Variants in SLC44A5 observed in about 807,000 individuals in gnomAD.
The protein encoded by SLC44A5 is choline transporter-like protein 5.
In SLC44A5, 57 loss-of-function variants were observed where a neutral mutation model predicts 101.8. The ratio of observed to expected loss-of-function variants is 0.56; its 90% confidence interval spans 0.45 to 0.70. The LOEUF is 0.70. Ranked by LOEUF, SLC44A5 falls within the 30% of genes least tolerant of loss-of-function variation. The pLI, the probability that SLC44A5 is intolerant of heterozygous loss-of-function variation, is 0.00. For missense variants in SLC44A5, 737 were observed against 853.1 expected, an observed-to-expected ratio of 0.86 and a Z score of 1.70; for synonymous variants, 281 against 290.9, an observed-to-expected ratio of 0.97 and a Z score of 0.35.
At chr1:75,501,682 G>C (rs970400270) in intron 2 of SLC44A5, among the ~76,000 whole-genome samples, 1 of 151,976 alleles carries the variant, frequency 6.6e-6, no homozygotes, top group Non-Finnish European at 1.5e-5. Flanking sequence ...GTCAGTCTCC[G>C]GTAAACTGCC....
At chr1:75,581,430 T>C (rs1338564403) in intron 1 of SLC44A5, among the ~76,000 whole-genome samples, 2 of 152,138 alleles carry the variant, frequency 1.3e-5, no homozygotes, top group African/African-American at 2.4e-5. Flanking sequence ...CTAGGTAAAA[T>C]ATATAAAAAT....
intron 4 of SLC44A5, among the ~76,000 whole-genome samples, chr1:75,336,528 T>C (rs901598189): frequency 1.8e-4 from 28 of 152,194 alleles, no homozygotes; most frequent in African/African-American, 6.5e-4. Flanking sequence ...TTTTTCAGGA[T>C]AGTTTACGTA....
intron 4 of SLC44A5, 44 bp from the exon 5 acceptor site, chr1:75,300,729 T>A: frequency 9.0e-6 from 12 of 1,337,360 alleles, no homozygotes; most frequent in Non-Finnish European, 1.2e-5. Context: ...AGGTCCCAAA[T>A]GACTTCCTGT....
At chr1:75,463,186 C>T (rs552379729) in intron 2 of SLC44A5, among the ~76,000 whole-genome samples, 14 of 152,248 alleles carry the variant, frequency 9.2e-5, no homozygotes, top group African/African-American at 2.6e-4. Flanking sequence ...CTTTGGAAGG[C>T]CGAGGCAGGC....
Position 75,459,170 on chromosome 1 carries a change from G to A in SLC44A5, c.14-62549C>T, listed in dbSNP as rs149202215. Among the ~76,000 whole-genome samples, 146 of 152,258 alleles carry A rather than the reference G, an allele frequency of 9.6e-4. 1 individual carries two copies. The highest frequency in any genetic ancestry group is 8.7e-3 in the Admixed American group (133 of 15,298). ...ATGAAGATTCAAGAGTCACAAGGACGTCTGCTCTAATCCAAGCACAAGGAA... is the reference window on the plus strand; with the variant it reads ...ATGAAGATTCAAGAGTCACAAGGACATCTGCTCTAATCCAAGCACAAGGAA... On this transcript the variant is annotated intron_variant, in intron 2 of 23. Coordinates refer to ENST00000370859, the MANE Select transcript of SLC44A5 (RefSeq NM_001130058.2).
chr1:75,620,469 A>G, the SLC44A5 span, among the ~76,000 whole-genome samples: 1 of 152,090 alleles, frequency 6.6e-6, no homozygotes, highest in Non-Finnish European at 1.5e-5. Flanking sequence ...AAGTGTTCCT[A>G]TTTCTCCGCA....
intron 2 of SLC44A5, among the ~76,000 whole-genome samples, chr1:75,506,937 CTG>C (rs1266864154): frequency 1.0e-5 from 1 of 96,294 alleles, no homozygotes; most frequent in African/African-American, 4.2e-5. Context: ...TTTTTTGAGA[CTG>C]TGTCTCACTG....
At chr1:75,223,836 A>G (rs991682746) in intron 13 of SLC44A5, among the ~76,000 whole-genome samples, 2 of 152,148 alleles carry the variant, frequency 1.3e-5, no homozygotes, top group Non-Finnish European at 2.9e-5. Flanking sequence ...TTTCATGTAC[A>G]TTTTATTCTC....
chr1:75,308,636 C>A (rs1655080820), intron 4 of SLC44A5, among the ~76,000 whole-genome samples: 1 of 152,182 alleles, frequency 6.6e-6, no homozygotes, highest in African/African-American at 2.4e-5. Flanking sequence ...CACTACACAG[C>A]AGGGTGCAAA....
intron 5 of SLC44A5, among the ~76,000 whole-genome samples, chr1:75,298,940 A>G (rs1654204153): frequency 6.6e-6 from 1 of 152,164 alleles, no homozygotes; most frequent in African/African-American, 2.4e-5. Flanking sequence ...TCCAGATAAG[A>G]AAACTGAGGT....
At chr1:75,392,586 C>T (rs562114391) in intron 3 of SLC44A5, among the ~76,000 whole-genome samples, 1 of 152,276 alleles carries the variant, frequency 6.6e-6, no homozygotes, top group African/African-American at 2.4e-5. Context: ...CTGTGGAAAG[C>T]AGTTTGGAGA....
At chr1:75,300,787 T>C (rs1654396740) in intron 4 of SLC44A5, 102 bp from the exon 5 acceptor site, 1 of 617,920 alleles carries the variant, frequency 1.6e-6, no homozygotes, top group Non-Finnish European at 2.5e-6. Context: ...AATAGTGAGA[T>C]GTTATTTCAT....
intron 3 of SLC44A5, among the ~76,000 whole-genome samples, chr1:75,346,799 T>C (rs1658288595): frequency 6.6e-6 from 1 of 152,274 alleles, no homozygotes; most frequent in Middle Eastern, 3.4e-3. Flanking sequence ...ATACTCTAAT[T>C]ACATTGAAAC....
the SLC44A5 span, among the ~76,000 whole-genome samples, chr1:75,659,200 A>G: frequency 2.0e-5 from 3 of 151,584 alleles, no homozygotes; most frequent in Non-Finnish European, 4.4e-5. Flanking sequence ...CATGCTAAAG[A>G]AAACTAATAT....
At chr1:75,506,588 A>G (rs1669271798) in intron 2 of SLC44A5, among the ~76,000 whole-genome samples, 1 of 151,856 alleles carries the variant, frequency 6.6e-6, no homozygotes, top group African/African-American at 2.4e-5. Context: ...TTGGTATTTT[A>G]TATATTTTTG....
chr1:75,402,662 A>ATTTTGGC (rs1662567666), intron 2 of SLC44A5, among the ~76,000 whole-genome samples: 1 of 152,060 alleles, frequency 6.6e-6, no homozygotes, highest in Admixed American at 6.5e-5. Flanking sequence ...TGGCCCAGAT[A>ATTTTGGC]CTACACTTTT....
At chr1:75,332,240 T>C (rs1341696024) in intron 4 of SLC44A5, among the ~76,000 whole-genome samples, 1 of 152,236 alleles carries the variant, frequency 6.6e-6, no homozygotes, top group Non-Finnish European at 1.5e-5. Context: ...TAATCCACTA[T>C]GTTTTTCTTT....
At chr1:75,483,073 C>A (rs1004004691) in intron 2 of SLC44A5, among the ~76,000 whole-genome samples, 3 of 152,044 alleles carry the variant, frequency 2.0e-5, no homozygotes, top group Non-Finnish European at 2.9e-5. Context: ...ATTTGCTGAG[C>A]GTAACAATAA....
chr1:75,605,012 C>T (rs1675239912), intron 1 of SLC44A5, among the ~76,000 whole-genome samples: 1 of 151,868 alleles, frequency 6.6e-6, no homozygotes, highest in African/African-American at 2.4e-5. Flanking sequence ...CTCTGGCTTG[C>T]ACTTCCGGTA....
Sources: gnomAD v4.1 joint callset for allele counts (sites outside exome capture counted in the v4.1 genomes callset) on GRCh38, gnomAD v4.1.1 for gene constraint, MANE v1.5 for transcripts, NCBI Gene and HGNC (gene_info 2026-07-23, HGNC 2026-07-21) for gene names.